The following LIMA1 variants were observed in gnomAD, a reference collection of about 807,000 sequenced individuals.
The protein encoded by LIMA1 is LIM domain and actin-binding protein 1.
Under a neutral mutation model 62.6 loss-of-function variants are expected in LIMA1, and 52 were observed. The ratio of observed to expected loss-of-function variants is 0.83; its 90% CI spans 0.67 to 1.05. The LOEUF is 1.05. Ranked by LOEUF, LIMA1 falls within the 50% of genes least tolerant of loss-of-function variation. LIMA1 has a pLI of 0.00. For missense variants in LIMA1, 780 were observed against 902.2 expected, an observed-to-expected ratio of 0.86 and a Z score of 1.74; for synonymous variants, 302 against 317.8, an observed-to-expected ratio of 0.95 and a Z score of 0.53.
At chr12:50,240,353 G>A (rs1470725368) in intron 2 of LIMA1, among the ~76,000 whole-genome samples, 1 of 152,126 alleles carries the variant, frequency 6.6e-6, no homozygotes, top group Non-Finnish European at 1.5e-5. Context: ...ATGGTAGGAT[G>A]GTCACTGATT....
intron 6 of LIMA1, chr12:50,201,098 T>C (rs1941040522): frequency 7.5e-7 from 1 of 1,332,814 alleles, no homozygotes; most frequent in Non-Finnish European, 9.6e-7. Flanking sequence ...AATATCTGTA[T>C]GCTAGTGTAA....
At chr12:50,231,836 C>T (rs1024795975) in intron 2 of LIMA1, 126 bp from the exon 3 acceptor site, 7 of 816,774 alleles carry the variant, frequency 8.6e-6, no homozygotes, top group South Asian at 4.8e-5. Flanking sequence ...GGTGCGATCT[C>T]GGCTCACTGC....
intron 1 of LIMA1, among the ~76,000 whole-genome samples, chr12:50,277,049 C>G (rs1053444463): frequency 6.6e-6 from 1 of 152,038 alleles, no homozygotes; most frequent in Non-Finnish European, 1.5e-5. Flanking sequence ...AAATAACTTG[C>G]CTTGGAGACG....
chr12:50,227,237 C>CTTTTTTTTTTTTT (rs199650468), intron 3 of LIMA1, among the ~76,000 whole-genome samples: 16 of 123,992 alleles, frequency 1.3e-4, no homozygotes, highest in East Asian at 2.2e-4. Flanking sequence ...TTTTTCTTTT[C>CTTTTTTTTTTTTT]TTTTTTTTTT....
At chr12:50,272,823 A>G (rs978165903) in intron 1 of LIMA1, among the ~76,000 whole-genome samples, 3 of 151,714 alleles carry the variant, frequency 2.0e-5, no homozygotes, top group Non-Finnish European at 4.4e-5. Flanking sequence ...CGAGGCAGGC[A>G]GATCACGAGG....
chr12:50,202,666 A>T (rs1941074956), intron 6 of LIMA1, among the ~76,000 whole-genome samples: 1 of 152,232 alleles, frequency 6.6e-6, no homozygotes, highest in Non-Finnish European at 1.5e-5. Context: ...TTAAAATTAC[A>T]GTTAAAAAAC....
At chr12:50,234,266 T>A (rs546925373) in intron 2 of LIMA1, 1 of 367,578 alleles carries the variant, frequency 2.7e-6, no homozygotes, top group Non-Finnish European at 5.4e-6. Flanking sequence ...TGGAGTGCAG[T>A]GGCACGATCT....
At chr12:50,247,934 T>C (rs1316387072) in intron 2 of LIMA1, among the ~76,000 whole-genome samples, 2 of 152,076 alleles carry the variant, frequency 1.3e-5, no homozygotes, top group Non-Finnish European at 2.9e-5. Flanking sequence ...TGACCGGATG[T>C]GTTCTAATGA....
chr12:50,216,151 C>T (rs1162213947), intron 4 of LIMA1, among the ~76,000 whole-genome samples: 1 of 152,104 alleles, frequency 6.6e-6, no homozygotes, highest in Non-Finnish European at 1.5e-5. Flanking sequence ...CACCTAAAAT[C>T]CAGATTAATA....
At chr12:50,193,409 T>G (rs1940823674) in intron 8 of LIMA1, among the ~76,000 whole-genome samples, 1 of 149,594 alleles carries the variant, frequency 6.7e-6, no homozygotes, top group Non-Finnish European at 1.5e-5. Flanking sequence ...TAAACTAGCC[T>G]GGGGAGATGC....
At chr12:50,240,369 C>T (rs562677468) in intron 2 of LIMA1, among the ~76,000 whole-genome samples, 5 of 152,012 alleles carry the variant, frequency 3.3e-5, no homozygotes, top group Non-Finnish European at 5.9e-5. Flanking sequence ...TGATTCAATT[C>T]GTGTTTTTAA....
chr12:50,281,193 C>A (rs528595394), intron 1 of LIMA1, among the ~76,000 whole-genome samples: 3 of 151,958 alleles, frequency 2.0e-5, no homozygotes, highest in African/African-American at 4.8e-5. Context: ...TTTTTTGGTA[C>A]GAGGGCTCTA....
intron 6 of LIMA1, among the ~76,000 whole-genome samples, chr12:50,202,389 A>T (rs990363502): frequency 6.8e-6 from 1 of 147,208 alleles, no homozygotes; most frequent in Non-Finnish European, 1.5e-5. Context: ...GTTAGGAGTT[A>T]AAAAAAAAAA....
At chr12:50,222,996 C>T (rs926298617) in intron 3 of LIMA1, among the ~76,000 whole-genome samples, 46 of 151,816 alleles carry the variant, frequency 3.0e-4, no homozygotes, top group Non-Finnish European at 1.3e-4. Context: ...CCATTAATTA[C>T]GGATAGTGGC....
intron 4 of LIMA1, among the ~76,000 whole-genome samples, chr12:50,212,067 AC>A (rs1299964845): frequency 6.6e-6 from 1 of 152,192 alleles, no homozygotes. Context: ...AATCAAACGC[AC>A]CAAGATGTAC....
chr12:50,206,961 G>A (rs1007217782), intron 4 of LIMA1, among the ~76,000 whole-genome samples: 4 of 151,598 alleles, frequency 2.6e-5, no homozygotes, highest in East Asian at 1.9e-4. Flanking sequence ...GTCTCACTCC[G>A]TCACCCAGGC....
At chr12:50,187,388 A>G (rs1940654784) in intron 9 of LIMA1, 1 of 152,170 alleles carries the variant, frequency 6.6e-6, no homozygotes, top group African/African-American at 2.4e-5. Context: ...CATTCCTTCC[A>G]ATTTGTGTAA....
In LIMA1 at chr12:50,177,525, T is replaced by C. The variant is rs763113183; in HGVS notation, c.1819A>G (p.Thr607Ala). 1.2e-6 allele frequency: 2 copies of C among 1,611,262 alleles called. No individual in the cohort carries two copies. The highest frequency in any genetic ancestry group is 1.7e-6 in the Non-Finnish European group (2 of 1,178,818). ...FQSTSVKSPK[T>A]VSPPIRKGWS... ...CCTTTCCTGATAGGTGGGGACACAG[T>C]TTTTGGGCTCTTGACAGAGGTGCTT... Residue 607 changes from threonine to alanine, a missense_variant, in exon 11 of 11, where the codon ACT (threonine) becomes GCT (alanine). Physicochemically the swap from Thr to Ala is moderately conservative, Grantham distance 58 (BLOSUM62 0). Coordinates refer to ENST00000341247, the MANE Select transcript of LIMA1 (RefSeq NM_016357.5).
chr12:50,199,700 A>G (rs1226327247), intron 7 of LIMA1, among the ~76,000 whole-genome samples: 1 of 152,214 alleles, frequency 6.6e-6, no homozygotes, highest in Non-Finnish European at 1.5e-5. Flanking sequence ...TACTTAGCAT[A>G]GTGACTGCCT....
Sources: allele counts gnomAD v4.1 joint callset (sites outside exome capture counted in the v4.1 genomes callset), GRCh38; gene constraint gnomAD v4.1.1; transcripts MANE v1.5; gene names NCBI Gene and HGNC (gene_info 2026-07-23, HGNC 2026-07-21).